POM121L2: variants seen among roughly 807,000 people sequenced by gnomAD.
The protein encoded by POM121L2 is POM121 transmembrane nucleoporin like 2, also known as POM121-like protein 2.
For missense variants in POM121L2, 1,167 were observed against 1,260.3 expected, an observed-to-expected ratio of 0.93 and a Z score of 1.12; for synonymous variants, 459 against 483.8, an observed-to-expected ratio of 0.95 and a Z score of 0.67.
Position 27,308,788 on chromosome 6 carries a change from C to T in POM121L2, c.*275G>A, listed in dbSNP as rs1247666029. Reference sequence around the variant, plus strand: ...ATAGATCCTGCTGCTGTGCACACTGCACACCTGACACAGAGAAGAGTGGAC... The same window carrying T: ...ATAGATCCTGCTGCTGTGCACACTGTACACCTGACACAGAGAAGAGTGGAC... On this transcript the variant is annotated 3_prime_UTR_variant, in exon 1 of 1. Coordinates refer to ENST00000444565, the MANE Select transcript of POM121L2 (RefSeq NM_033482.4). 6.6e-6 allele frequency among the ~76,000 whole-genome samples: 1 copy of T among 152,180 alleles called. No individual in the cohort carries two copies. The highest frequency in any genetic ancestry group is 1.5e-5 in the Non-Finnish European group (1 of 68,030).
At position 27,310,676 on chromosome 6, in the gene POM121L2, G is replaced by A. The variant is rs940058011; in HGVS notation, c.1495C>T (p.Pro499Ser). 1.7e-5 allele frequency: 26 copies of A among 1,551,924 alleles called. No individual in the cohort carries two copies. The highest frequency in any genetic ancestry group is 2.4e-5 in the East Asian group (1 of 40,912). ...ADRSPMPPDP[P>S]APPTIQSTLL... is the part of the protein sequence containing the mutation. The stretch of plus-strand genomic sequence containing the variant: ...GTACTTTGGATGGTGGGTGGTGCAG[G>A]TGGGTCTGGGGGCATGGGAGACCTG... Residue 499 changes from proline to serine, a missense_variant, in exon 1 of 1, where the codon CCT becomes TCT. Coordinates refer to ENST00000444565, the MANE Select transcript of POM121L2 (RefSeq NM_033482.4).
At position 27,310,836 on chromosome 6, in the gene POM121L2, C is replaced by G; in HGVS notation, c.1335G>C (p.Gly445=). 1 of 1,551,594 alleles carries G rather than the reference C, an allele frequency of 6.4e-7. No individual in the cohort carries two copies. Among genetic ancestry groups the G allele is most frequent in the Non-Finnish European group, 8.7e-7 (1 of 1,146,970 alleles). ...LKTPSLPTPP[G]CSQSELLPGT... is the part of the protein sequence containing the mutation. ...CTGGAAGGAGCTCTGACTGTGAGCACCCAGGTGGGGTCGGTAGGCTGGGTG... is the reference window on the plus strand; with the variant it reads ...CTGGAAGGAGCTCTGACTGTGAGCAGCCAGGTGGGGTCGGTAGGCTGGGTG... The change falls in exon 1 of 1, where the codon GGG becomes GGC. Residue 445 remains glycine (G), a synonymous_variant. Coordinates refer to ENST00000444565, the MANE Select transcript of POM121L2 (RefSeq NM_033482.4).
At position 27,311,299 on chromosome 6, in the gene POM121L2, C is replaced by T; in HGVS notation, c.872G>A (p.Ser291Asn). 6.4e-7 allele frequency: 1 copy of T among 1,551,652 alleles called. No homozygotes were observed. Among genetic ancestry groups the T allele is most frequent in the Non-Finnish European group, 8.7e-7 (1 of 1,147,008 alleles). Residue 291 changes from serine to asparagine, a missense_variant, in exon 1 of 1, where the codon AGT (serine) becomes AAT (asparagine). Ser to Asn is a conservative substitution (Grantham distance 46). Transcript: ENST00000444565. ...TPEWPIKKEK[S>N]CHRPSSPVPL... The stretch of plus-strand genomic sequence containing the variant: ...GACTGGAGAGGAAGGCCGATGACAA[C>T]TTTTTTCCTTTTTTATTGGCCACTC...
chr6:27,311,625 C>T lies in POM121L2; in HGVS notation c.546G>A (p.Leu182=), dbSNP rs1257922165. Residue 182 remains leucine (L), a synonymous_variant, in exon 1 of 1, where the codon CTG becomes CTA. Transcript: ENST00000444565. The stretch of plus-strand genomic sequence containing the variant: ...TCTCTGGACTCCTTCTCTTACTGTC[C>T]AGACTCTCAGGGAATAGTGGTTCTT... ...RLEEPLFPES[L]DSKRRSPETR... 1 of 1,551,802 alleles carries T rather than the reference C, an allele frequency of 6.4e-7. No homozygotes were observed. Among genetic ancestry groups the T allele is most frequent in the Non-Finnish European group, 8.7e-7 (1 of 1,147,022 alleles).
chr6:27,310,844 G>A lies in POM121L2; in HGVS notation c.1327C>T (p.Pro443Ser). Reference protein sequence around the residue: ...SPLKTPSLPTPPGCSQSELLP... With the variant: ...SPLKTPSLPTSPGCSQSELLP... Reference sequence around the variant, plus strand: ...AGCTCTGACTGTGAGCACCCAGGTGGGGTCGGTAGGCTGGGTGTCTTCAAA... The same window carrying A: ...AGCTCTGACTGTGAGCACCCAGGTGAGGTCGGTAGGCTGGGTGTCTTCAAA... Residue 443 changes from proline to serine, a missense_variant, in exon 1 of 1, where the codon CCA becomes TCA. By Grantham distance (74) the Pro-to-Ser change is moderately conservative. Transcript: ENST00000444565. The A allele has an allele frequency of 6.4e-7, 1 of 1,551,732 alleles. No homozygotes were observed. The highest frequency in any genetic ancestry group is 8.7e-7 in the Non-Finnish European group (1 of 1,146,974).
Position 27,309,292 on chromosome 6 carries a change from A to G in POM121L2, c.2879T>C (p.Ile960Thr). 6.4e-7 allele frequency: 1 copy of G among 1,551,476 alleles called. No homozygotes were observed. The change falls in exon 1 of 1, where the codon ATT becomes ACT. Residue 960 changes from isoleucine to threonine, a missense_variant. Transcript: ENST00000444565. ...RTAFSLGRGS[I>T]SARKTMAPIA... ...GGGGGCCATAGTCTTTCTTGCAGAA[A>G]TGCTGCCTCTCCCCAAGGAAAAAGC...
chr6:27,309,606 A>G lies in POM121L2; in HGVS notation c.2565T>C (p.Phe855=). ...CAGTTGTACTAGCTTGACTAATGGG[A>G]AAACCTGCTGGAATGCCGCCAATGC... ...WSGIGGIPAG[F]PISQASTTGF... Residue 855 remains phenylalanine, a synonymous_variant, in exon 1 of 1, where the codon TTT becomes TTC. Coordinates refer to ENST00000444565, the MANE Select transcript of POM121L2 (RefSeq NM_033482.4). 1.3e-6 allele frequency: 2 copies of G among 1,551,744 alleles called. No individual in the cohort carries two copies. Among genetic ancestry groups the G allele is most frequent in the Non-Finnish European group, 1.7e-6 (2 of 1,146,966 alleles).
Position 27,310,877 on chromosome 6 carries a change from G to A in POM121L2, c.1294C>T (p.His432Tyr). Residue 432 changes from histidine to tyrosine, a missense_variant, in exon 1 of 1, where the codon CAT (histidine) becomes TAT (tyrosine). His to Tyr is a moderately conservative substitution (Grantham distance 83). Transcript: ENST00000444565. ...QSTGEATSVA[H>Y]SPLKTPSLPT... ...AGGCTGGGTGTCTTCAAAGGAGAAT[G>A]GGCCACACTGGTTGCCTCTCCCGTG... The A allele has an allele frequency of 6.4e-7, 1 of 1,551,734 alleles. No homozygotes were observed. The highest frequency in any genetic ancestry group is 1.2e-5 in the South Asian group (1 of 84,048).
In POM121L2 at chr6:27,308,794, T is replaced by G. The variant is rs1207088871; in HGVS notation, c.*269A>C. ...CCTGCTGCTGTGCACACTGCACACCTGACACAGAGAAGAGTGGACAGGAAG... is the reference window on the plus strand; with the variant it reads ...CCTGCTGCTGTGCACACTGCACACCGGACACAGAGAAGAGTGGACAGGAAG... On this transcript the variant is annotated 3_prime_UTR_variant, in exon 1 of 1. Coordinates refer to ENST00000444565, the MANE Select transcript of POM121L2 (RefSeq NM_033482.4). Among the ~76,000 whole-genome samples, 1 of 152,200 alleles carries G rather than the reference T, an allele frequency of 6.6e-6. No homozygotes were observed. The highest frequency in any genetic ancestry group is 6.5e-5 in the Admixed American group (1 of 15,280).
Position 27,311,046 on chromosome 6 carries a change from G to C in POM121L2, c.1125C>G (p.Phe375Leu). 1.3e-6 allele frequency: 2 copies of C among 1,552,042 alleles called. No individual in the cohort carries two copies. The highest frequency in any genetic ancestry group is 1.7e-6 in the Non-Finnish European group (2 of 1,147,052). The change falls in exon 1 of 1, where the codon TTC (phenylalanine) becomes TTG (leucine). Residue 375 changes from phenylalanine (F) to leucine (L), a missense_variant. Transcript: ENST00000444565. ...EDTTEVNTDP[F>L]PETWLAIQPS... is the part of the protein sequence containing the mutation. ...GCTGAATAGCAAGCCAAGTCTCAGG[G>C]AAAGGGTCTGTGTTGACCTCAGTTG...
chr6:27,308,387 T>C lies in POM121L2; in HGVS notation c.*676A>G, dbSNP rs914012654. On this transcript the variant is annotated 3_prime_UTR_variant, in exon 1 of 1. Coordinates refer to ENST00000444565, the MANE Select transcript of POM121L2 (RefSeq NM_033482.4). ...GTTCACACAAAAACCTGAACATGAA[T>C]GTTTCTGGTGACTTTATTTATTTTT... Among the ~76,000 whole-genome samples the C allele has an allele frequency of 6.7e-6, 1 of 148,844 alleles. No individual in the cohort carries two copies. The highest frequency in any genetic ancestry group is 2.6e-5 in the African/African-American group (1 of 39,174).
At position 27,309,238 on chromosome 6, in the gene POM121L2, T is replaced by G. The variant is rs1260193528; in HGVS notation, c.2933A>C (p.Gln978Pro). 6.4e-7 allele frequency: 1 copy of G among 1,551,838 alleles called. No individual in the cohort carries two copies. The highest frequency in any genetic ancestry group is 2.0e-5 in the Admixed American group (1 of 51,010). The change falls in exon 1 of 1, where the codon CAA becomes CCA. Residue 978 changes from glutamine to proline, a missense_variant. By Grantham distance (76) the Gln-to-Pro change is moderately conservative (BLOSUM62 -1). Coordinates refer to ENST00000444565, the MANE Select transcript of POM121L2 (RefSeq NM_033482.4). ...GCCAACACTGCTGCCTGCCTTAGCT[T>G]GTCCAGGGACTGGGGTGTTTTGAGC... ...PIAQNTPVPG[Q>P]AKAGSSVGFG...
At position 27,310,146 on chromosome 6, in the gene POM121L2, G is replaced by T. The variant is rs760877632; in HGVS notation, c.2025C>A (p.Ala675=). The change falls in exon 1 of 1, where the codon GCC becomes GCA. Residue 675 remains alanine, a synonymous_variant. Transcript: ENST00000444565. ...TGAATCCTGTGGCTGGGGTGAAGTC[G>T]GCCCTGAAGGCCTGAGCAGTCCCAA... ...FLLGTAQAFR[A]DFTPATGFIF... The T allele has an allele frequency of 3.0e-5, 46 of 1,551,892 alleles. No homozygotes were observed. The African/African-American group carries it at 6.0e-4, about 20-fold the overall frequency.
rs770048144 is a variant in POM121L2 at position 27,311,733 on chromosome 6, G to A, written c.438C>T (p.Pro146=). 2 of 1,551,850 alleles carry A rather than the reference G, an allele frequency of 1.3e-6. No individual in the cohort carries two copies. Among genetic ancestry groups the A allele is most frequent in the African/African-American group, 2.7e-5 (2 of 73,182 alleles). Residue 146 remains proline, a synonymous_variant, in exon 1 of 1, where the codon CCC becomes CCT. Transcript: ENST00000444565. ...AACATGGATCTGCGAGCTCCTCAGAGGGCGGGAGTCCTGCAAGGGCAATTA... is the reference window on the plus strand; with the variant it reads ...AACATGGATCTGCGAGCTCCTCAGAAGGCGGGAGTCCTGCAAGGGCAATTA... ...EDVIALAGLP[P]SEELADPCSK... is the part of the protein sequence containing the mutation.
In POM121L2 at chr6:27,310,818, G is replaced by A; in HGVS notation, c.1353C>T (p.Leu451=). 6.4e-7 allele frequency: 1 copy of A among 1,551,708 alleles called. No homozygotes were observed. Among genetic ancestry groups the A allele is most frequent in the Non-Finnish European group, 8.7e-7 (1 of 1,146,974 alleles). The change falls in exon 1 of 1, where the codon CTC becomes CTT. Residue 451 remains leucine, a synonymous_variant. Coordinates refer to ENST00000444565, the MANE Select transcript of POM121L2 (RefSeq NM_033482.4). ...PTPPGCSQSE[L]LPGTSPDSKP... is the part of the protein sequence containing the mutation. ...TTGAGTCTGGAGAGGTGCCTGGAAG[G>A]AGCTCTGACTGTGAGCACCCAGGTG...
At position 27,310,402 on chromosome 6, in the gene POM121L2, G is replaced by A. The variant is rs16897529; in HGVS notation, c.1769C>T (p.Thr590Met). The change falls in exon 1 of 1, where the codon ACG (threonine) becomes ATG (methionine). Residue 590 changes from threonine (T) to methionine (M), a missense_variant. Transcript: ENST00000444565. ...IFGSIDPLKT[T>M]PMIAPFSSKQ... ...GGAGGAGAAAGGAGCTATCATGGGC[G>A]TAGTTTTAAGTGGATCTATGCTGCC... 145 of 1,552,138 alleles carry A rather than the reference G, an allele frequency of 9.3e-5. No homozygotes were observed. Among genetic ancestry groups the A allele is most frequent in the Middle Eastern group, 1.7e-4 (1 of 5,996 alleles).
At position 27,309,976 on chromosome 6, in the gene POM121L2, G is replaced by A. The variant is rs1250525803; in HGVS notation, c.2195C>T (p.Ala732Val). ...TGCAAGCCAGTTTGTGGATACTAGG[G>A]CAGAGGCAGGCAGAGGGCTGCCCAT... ...RGMGSPLPASALVSTNWLAST... is the reference protein window; with the variant it reads ...RGMGSPLPASVLVSTNWLAST... Residue 732 changes from alanine to valine, a missense_variant, in exon 1 of 1, where the codon GCC becomes GTC. By Grantham distance (64) the Ala-to-Val change is moderately conservative. Transcript: ENST00000444565. The A allele has an allele frequency of 3.2e-6, 5 of 1,551,656 alleles. No homozygotes were observed. Among genetic ancestry groups the A allele is most frequent in the Non-Finnish European group, 4.4e-6 (5 of 1,147,034 alleles).
chr6:27,309,669 T>C lies in POM121L2; in HGVS notation c.2502A>G (p.Ser834=). ...TQSALGCLTP[S]ASTSQTPAST... ...TGGCAGGGGTTTGAGAGGTGGAGGC[T>C]GAGGGTGTCAAACACCCCAAGGCTG... Residue 834 remains serine (S), a synonymous_variant, in exon 1 of 1, where the codon TCA becomes TCG. Transcript: ENST00000444565. 1 of 1,551,708 alleles carries C rather than the reference T, an allele frequency of 6.4e-7. No homozygotes were observed. The highest frequency in any genetic ancestry group is 8.7e-7 in the Non-Finnish European group (1 of 1,147,016).
Position 27,310,270 on chromosome 6 carries a change from T to A in POM121L2, c.1901A>T (p.Asp634Val). The change falls in exon 1 of 1, where the codon GAC becomes GTC. Residue 634 changes from aspartate (D) to valine (V), a missense_variant. Coordinates refer to ENST00000444565, the MANE Select transcript of POM121L2 (RefSeq NM_033482.4). ...ATCCAAAGGTGGCTTAAAAACAGAG[T>A]CTTTAGATGTGCTGGCTAGGGTGGT... ...MSTTLASTSK[D>V]SVFKPPLDFG... 1 of 1,552,002 alleles carries A rather than the reference T, an allele frequency of 6.4e-7. No homozygotes were observed. Among genetic ancestry groups the A allele is most frequent in the Non-Finnish European group, 8.7e-7 (1 of 1,147,032 alleles).
Sources: gnomAD v4.1 joint callset for allele counts (sites outside exome capture counted in the v4.1 genomes callset) on GRCh38, gnomAD v4.1.1 for gene constraint, MANE v1.5 for transcripts, NCBI Gene and HGNC (gene_info 2026-07-23, HGNC 2026-07-21) for gene names.